Variants in ZNF385D observed in about 807,000 individuals in gnomAD.
ZNF385D encodes zinc finger protein 659.
A neutral mutation model predicts 35.8 loss-of-function variants in ZNF385D; 15 were observed. That is an observed-to-expected ratio of 0.42 (90% CI 0.28 to 0.64). The LOEUF is 0.64. Ranked by LOEUF, ZNF385D falls within the 30% of genes least tolerant of loss-of-function variation. The pLI is 0.23. For missense variants in ZNF385D, 474 were observed against 494.6 expected (o/e 0.96, Z 0.39); for synonymous variants, 212 against 186.8 (o/e 1.13, Z -1.10).
intron 3 of ZNF385D, among the ~76,000 whole-genome samples, chr3:21,900,101 C>T (rs150409616): frequency 1.4e-4 from 21 of 152,204 alleles, no homozygotes; most frequent in Non-Finnish European, 2.4e-4. Context: ...ACACAAATTG[C>T]TAGTGAGAAA....
chr3:21,732,026 CGGGGTTTTTTTT>C (rs2069023759), intron 1 of ZNF385D, among the ~76,000 whole-genome samples: 1 of 24,124 alleles, frequency 4.1e-5, no homozygotes, highest in Non-Finnish European at 6.8e-5. Flanking sequence ...TTTCTTTTTT[CGGGGTTTTTTTT>C]TTTTTTTTTT....
chr3:22,203,392 C>T (rs532990149), intron 2 of ZNF385D, among the ~76,000 whole-genome samples: 1 of 152,216 alleles, frequency 6.6e-6, no homozygotes, highest in South Asian at 2.1e-4. Flanking sequence ...CAGTGGTAAC[C>T]AGCTAGTACA....
intron 6 of ZNF385D, 37 bp from the exon 7 acceptor site, chr3:21,424,101 A>G (rs1313505794): frequency 1.1e-5 from 17 of 1,524,416 alleles, no homozygotes. Flanking sequence ...CTTTAAAAAA[A>G]TCATCTGCAA....
At chr3:22,219,076 T>C (rs938707438) in intron 2 of ZNF385D, among the ~76,000 whole-genome samples, 5 of 152,144 alleles carry the variant, frequency 3.3e-5, no homozygotes, top group Admixed American at 6.5e-5. Flanking sequence ...TCAATTAACA[T>C]AGCTCAGTTA....
At chr3:21,708,876 C>CAG (rs553234983) in intron 1 of ZNF385D, among the ~76,000 whole-genome samples, 1 of 152,094 alleles carries the variant, frequency 6.6e-6, no homozygotes, top group South Asian at 2.1e-4. Flanking sequence ...CACACACACA[C>CAG]ACACACACAC....
rs139908017 is a variant in ZNF385D at position 21,948,802 on chromosome 3, T to C, written c.325+220015A>G. ...AAAAAATGTGAAATTAACTATTATG[T>C]TACAATTGAAAAATAATTTTTGCTA... On this transcript the variant is annotated intron_variant, in intron 3 of 5. Coordinates refer to the ZNF385D transcript ENST00000494108. 6.2e-4 allele frequency among the ~76,000 whole-genome samples: 95 copies of C among 152,294 alleles called. 1 individual carries two copies. In the East Asian group the frequency reaches 0.016, roughly 25 times the overall value.
intron 4 of ZNF385D, among the ~76,000 whole-genome samples, chr3:21,492,888 C>T (rs1705542609): frequency 6.6e-6 from 1 of 151,900 alleles, no homozygotes; most frequent in South Asian, 2.1e-4. Context: ...GAAGATGTTA[C>T]CTTTACCTTT....
intron 4 of ZNF385D, among the ~76,000 whole-genome samples, chr3:21,466,815 A>T (rs185035136): frequency 2.6e-5 from 4 of 152,308 alleles, no homozygotes; most frequent in Admixed American, 2.6e-4. Flanking sequence ...TTGATAGGTA[A>T]CTAAAGAAAA....
chr3:21,833,593 C>T (rs1443650674), intron 3 of ZNF385D, among the ~76,000 whole-genome samples: 1 of 152,106 alleles, frequency 6.6e-6, no homozygotes, highest in Non-Finnish European at 1.5e-5. Context: ...GACTTCTGAC[C>T]CTCAGAACTA....
intron 3 of ZNF385D, among the ~76,000 whole-genome samples, chr3:21,948,554 T>C (rs750893194): frequency 2.2e-4 from 33 of 152,254 alleles, no homozygotes; most frequent in Non-Finnish European, 4.1e-4. Context: ...TATTATATAT[T>C]TGTATATGCC....
chr3:22,212,259 C>T (rs1403319655), intron 2 of ZNF385D, among the ~76,000 whole-genome samples: 1 of 152,004 alleles, frequency 6.6e-6, no homozygotes, highest in Admixed American at 6.6e-5. Context: ...TATCACAGCA[C>T]AGTTTCTGCT....
Position 21,966,437 on chromosome 3 carries a change from C to G in ZNF385D, c.325+202380G>C, listed in dbSNP as rs1486404981. Among the ~76,000 whole-genome samples, 5 of 152,226 alleles carry G rather than the reference C, an allele frequency of 3.3e-5. No homozygotes were observed. In the South Asian group the frequency reaches 8.3e-4, roughly 25 times the overall value. On this transcript the variant is annotated intron_variant, in intron 3 of 5. Coordinates refer to the ZNF385D transcript ENST00000494108. ...CATTTGTGGCTTTCATTTTAATTACCCTAACATTTCTTGGACTGGTTTGGA... is the reference window on the plus strand; with the variant it reads ...CATTTGTGGCTTTCATTTTAATTACGCTAACATTTCTTGGACTGGTTTGGA...
chr3:21,949,003 G>A (rs1371668557), intron 3 of ZNF385D, among the ~76,000 whole-genome samples: 1 of 152,042 alleles, frequency 6.6e-6, no homozygotes, highest in Non-Finnish European at 1.5e-5. Flanking sequence ...AGTATTTCAT[G>A]TCCTTACTTA....
intron 3 of ZNF385D, among the ~76,000 whole-genome samples, chr3:21,900,999 G>C (rs977058475): frequency 6.6e-6 from 1 of 152,182 alleles, no homozygotes; most frequent in Non-Finnish European, 1.5e-5. Context: ...ATCCATGCCT[G>C]TGCTCTTCCT....
In ZNF385D at chr3:21,546,052, C is replaced by T. The variant is rs373646986; in HGVS notation, c.276+18522G>A. Among the ~76,000 whole-genome samples, 2 of 152,136 alleles carry T rather than the reference C, an allele frequency of 1.3e-5. 1 individual carries two copies. The highest frequency in any genetic ancestry group is 4.1e-4 in the South Asian group (2 of 4,830). ...AGCCAAGTCTATTTTGCAAACTACTCAGTCCTATCATATTTTTTTTTTGGT... is the reference window on the plus strand; with the variant it reads ...AGCCAAGTCTATTTTGCAAACTACTTAGTCCTATCATATTTTTTTTTTGGT... On this transcript the variant is annotated intron_variant, in intron 3 of 7. Transcript: ENST00000281523.
intron 3 of ZNF385D, among the ~76,000 whole-genome samples, chr3:21,888,686 G>C (rs1698681395): frequency 6.6e-6 from 1 of 152,322 alleles, no homozygotes; most frequent in East Asian, 1.9e-4. Flanking sequence ...GGCAAGTAGA[G>C]GGTAGAGGAG....
In ZNF385D at chr3:22,363,571, T is replaced by G. The variant is rs778234708; in HGVS notation, c.106+8879A>C. Among the ~76,000 whole-genome samples, 55 of 152,162 alleles carry G rather than the reference T, an allele frequency of 3.6e-4. 1 individual carries two copies. Among genetic ancestry groups the G allele is most frequent in the Admixed American group, 1.1e-3 (17 of 15,282 alleles). On this transcript the variant is annotated intron_variant, in intron 2 of 5. Coordinates refer to the ZNF385D transcript ENST00000494108. ...CTTTATGAAGACTCATGAGAAACAT[T>G]TTTTTCAGATTCAGTACCAAGAATG...
rs1447320576 is a variant in ZNF385D at position 22,154,204 on chromosome 3, A to G, written c.325+14613T>C. Among the ~76,000 whole-genome samples, 4 of 152,100 alleles carry G rather than the reference A, an allele frequency of 2.6e-5. No homozygotes were observed. The South Asian group carries it at 6.2e-4, about 24-fold the overall frequency. The stretch of plus-strand genomic sequence containing the variant: ...GGGCATTCTGCCCTGTTTATTGTTG[A>G]AGGCCTGCCACTACAATTGAAGCTC... On this transcript the variant is annotated intron_variant, in intron 3 of 5. Coordinates refer to the ZNF385D transcript ENST00000494108.
intron 2 of ZNF385D, among the ~76,000 whole-genome samples, chr3:21,656,422 G>T (rs141271788): frequency 2.0e-5 from 3 of 151,986 alleles, no homozygotes; most frequent in African/African-American, 7.2e-5. Context: ...CTGTCTCCTT[G>T]GTTGTAGATG....
Sources: gnomAD v4.1 joint callset for allele counts (sites outside exome capture counted in the v4.1 genomes callset) on GRCh38, gnomAD v4.1.1 for gene constraint, MANE v1.5 for transcripts, NCBI Gene and HGNC (gene_info 2026-07-23, HGNC 2026-07-21) for gene names.